ZNG1A: variants seen among roughly 807,000 people sequenced by gnomAD.
ZNG1A encodes the protein zinc-regulated GTPase metalloprotein activator 1A.
chr9:127,925 T>C, the ZNG1A span, among the ~76,000 whole-genome samples: 157 of 147,448 alleles, frequency 1.1e-3, no homozygotes, highest in South Asian at 3.5e-3. Context: ...CTGAAAAAGC[T>C]GTATCTTGCC....
the ZNG1A span, among the ~76,000 whole-genome samples, chr9:129,905 T>C: frequency 0.027 from 4,011 of 150,224 alleles, 386 homozygotes; most frequent in African/African-American, 0.096. Flanking sequence ...ACAAACATGA[T>C]AGTGCACTTA....
At chr9:141,624 C>G in the ZNG1A span, among the ~76,000 whole-genome samples, 3 of 151,362 alleles carry the variant, frequency 2.0e-5, no homozygotes, top group East Asian at 5.9e-4. Flanking sequence ...TAGGAAGAAA[C>G]TGCATCAACT....
the ZNG1A span, chr9:146,337 T>A: frequency 1.8e-6 from 1 of 562,974 alleles, no homozygotes; most frequent in South Asian, 3.1e-5. Context: ...ATTACTTCAA[T>A]GAATTAGGTT....
At chr9:172,206 T>C in the ZNG1A span, 2 of 1,607,266 alleles carry the variant, frequency 1.2e-6, no homozygotes, top group Middle Eastern at 2.3e-4. Context: ...TACAGTTAAT[T>C]ACCTAAATAT....
At chr9:140,498 C>A in the ZNG1A span, among the ~76,000 whole-genome samples, 18 of 151,580 alleles carry the variant, frequency 1.2e-4, no homozygotes, top group African/African-American at 4.4e-4. Context: ...ACATCCACAC[C>A]AAAAACCCAT....
At chr9:145,731 A>T in the ZNG1A span, among the ~76,000 whole-genome samples, 3 of 148,740 alleles carry the variant, frequency 2.0e-5, no homozygotes, top group Non-Finnish European at 4.4e-5. Flanking sequence ...AAAACTCAAG[A>T]AAAAATAAAA....
the ZNG1A span, among the ~76,000 whole-genome samples, chr9:178,094 A>C: frequency 6.6e-6 from 1 of 150,830 alleles, no homozygotes; most frequent in Non-Finnish European, 1.5e-5. Context: ...TTTAACTGTA[A>C]GGTTTAAAAA....
chr9:155,707 T>C, the ZNG1A span, among the ~76,000 whole-genome samples: 3 of 151,998 alleles, frequency 2.0e-5, no homozygotes, highest in African/African-American at 7.3e-5. Context: ...AAAGAGCAGG[T>C]TTCAACAGTA....
the ZNG1A span, among the ~76,000 whole-genome samples, chr9:142,073 A>G: frequency 1.5e-3 from 210 of 144,744 alleles, 1 homozygote; most frequent in Non-Finnish European, 2.6e-3. Flanking sequence ...AGAGACTTAG[A>G]CTCCCACACA....
the ZNG1A span, among the ~76,000 whole-genome samples, chr9:162,170 C>G: frequency 1.3e-5 from 2 of 149,088 alleles, no homozygotes; most frequent in African/African-American, 5.0e-5. Flanking sequence ...TTATACATAC[C>G]AAACTCTACC....
the ZNG1A span, among the ~76,000 whole-genome samples, chr9:174,573 GA>G: frequency 6.6e-6 from 1 of 151,476 alleles, no homozygotes; most frequent in Non-Finnish European, 1.5e-5. Flanking sequence ...ATAAGATGAT[GA>G]AAAAAACAGT....
At chr9:147,180 G>GT in the ZNG1A span, 1 of 99,262 alleles carries the variant, frequency 1.0e-5, no homozygotes, top group African/African-American at 4.8e-5. Flanking sequence ...CGCCTCAAAA[G>GT]AAAAAAAAAA....
the ZNG1A span, among the ~76,000 whole-genome samples, chr9:174,768 A>G: frequency 6.6e-6 from 1 of 151,280 alleles, no homozygotes; most frequent in Non-Finnish European, 1.5e-5. Flanking sequence ...TTTTTTGGCT[A>G]GAAGTAAGCT....
the ZNG1A span, among the ~76,000 whole-genome samples, chr9:141,359 A>C: frequency 6.8e-6 from 1 of 148,044 alleles, no homozygotes; most frequent in Non-Finnish European, 1.5e-5. Context: ...GAAACTCTAC[A>C]AGCCAGAAGA....
chr9:153,825 T>C, the ZNG1A span: 2 of 150,974 alleles, frequency 1.3e-5, no homozygotes, highest in African/African-American at 2.4e-5. Flanking sequence ...CAAAATCTAA[T>C]GTCAGTAGAA....
chr9:168,559 G>A, the ZNG1A span, among the ~76,000 whole-genome samples: 3,406 of 148,996 alleles, frequency 0.023, 132 homozygotes, highest in African/African-American at 0.083. Context: ...GCCAGCAACA[G>A]ATTTTTAATG....
At chr9:139,581 C>T in the ZNG1A span, among the ~76,000 whole-genome samples, 5 of 151,990 alleles carry the variant, frequency 3.3e-5, no homozygotes, top group African/African-American at 9.7e-5. Flanking sequence ...ATCTTTCTTC[C>T]CTCCCTTACC....
chr9:165,177 C>T, the ZNG1A span, among the ~76,000 whole-genome samples: 1 of 152,170 alleles, frequency 6.6e-6, no homozygotes, highest in Non-Finnish European at 1.5e-5. Flanking sequence ...ACTTTCTTGG[C>T]TAAAACATGA....
chr9:146,048 T>A, the ZNG1A span: 1 of 1,344,242 alleles, frequency 7.4e-7, no homozygotes, highest in Admixed American at 2.2e-5. Context: ...TCCTGTTAAC[T>A]ATGGGGAAAA....
Sources: allele counts gnomAD v4.1 joint callset (sites outside exome capture counted in the v4.1 genomes callset), GRCh38; gene constraint gnomAD v4.1.1; transcripts MANE v1.5; gene names NCBI Gene and HGNC (gene_info 2026-07-23, HGNC 2026-07-21).